The following CCDC178 variants were observed in gnomAD, a reference collection of about 807,000 sequenced individuals.
The protein encoded by CCDC178 is coiled-coil domain-containing protein 178.
In CCDC178, 126 loss-of-function variants were observed where a neutral mutation model predicts 117.4. The ratio of observed to expected loss-of-function variants is 1.07; its 90% CI spans 0.93 to 1.24. The LOEUF (loss-of-function observed/expected upper bound fraction) is 1.24, where lower values mean the gene tolerates loss of function less well. Among genes scored for constraint, CCDC178 ranks in the 50% most tolerant of loss-of-function variants. The probability of loss-of-function intolerance (pLI) is 0.00; values close to 1 mark genes in which losing one functional copy is unlikely to be tolerated. For synonymous variants in CCDC178, 283 were observed against 313.4 expected (o/e 0.90, Z 1.02); for missense variants, 1,030 against 986.9 (o/e 1.04, Z -0.59).
chr18:33,012,650 A>C (rs2055894844), intron 21 of CCDC178, among the ~76,000 whole-genome samples: 1 of 152,164 alleles, frequency 6.6e-6, no homozygotes. Context: ...TTATGGCTTT[A>C]AATAATTGAA....
intron 21 of CCDC178, among the ~76,000 whole-genome samples, chr18:33,010,536 A>G (rs193238003): frequency 1.5e-3 from 226 of 152,312 alleles, no homozygotes; most frequent in African/African-American, 5.3e-3. Context: ...AGTCCAGAAA[A>G]CACATCTCAG....
chr18:32,938,132 A>C, intron 22 of CCDC178, 41 bp from the exon 23 acceptor site: 1 of 1,333,272 alleles, frequency 7.5e-7, no homozygotes, highest in Non-Finnish European at 1.1e-6. Context: ...ATAAGTACTC[A>C]TTAATTAAGA....
At chr18:33,208,167 C>G (rs912535972) in intron 20 of CCDC178, among the ~76,000 whole-genome samples, 4 of 151,942 alleles carry the variant, frequency 2.6e-5, no homozygotes, top group African/African-American at 9.7e-5. Flanking sequence ...ATCAAAAGTA[C>G]TTTTAAAAGA....
chr18:33,392,147 A>G (rs113711584), intron 4 of CCDC178, among the ~76,000 whole-genome samples: 2,441 of 152,058 alleles, frequency 0.016, 62 homozygotes, highest in African/African-American at 0.055. Context: ...TTGCAGGCAT[A>G]AGCCACCATG....
chr18:33,430,941 G>C (rs2064207834), intron 2 of CCDC178, among the ~76,000 whole-genome samples: 2 of 151,934 alleles, frequency 1.3e-5, no homozygotes, highest in African/African-American at 4.8e-5. Flanking sequence ...CGGGCGCGGT[G>C]GTGGGCCCCT....
chr18:33,198,790 A>G (rs937342322), intron 20 of CCDC178, among the ~76,000 whole-genome samples: 1 of 152,098 alleles, frequency 6.6e-6, no homozygotes, highest in Non-Finnish European at 1.5e-5. Flanking sequence ...TTTCTGATAA[A>G]AGAAACGGTG....
chr18:32,968,947 G>T (rs1453202137), intron 22 of CCDC178, among the ~76,000 whole-genome samples: 1 of 151,770 alleles, frequency 6.6e-6, no homozygotes, highest in Non-Finnish European at 1.5e-5. Context: ...ATATCTAGTT[G>T]TTTGTGTATG....
chr18:33,380,890 A>C (rs1342317741), intron 5 of CCDC178, among the ~76,000 whole-genome samples: 3 of 152,354 alleles, frequency 2.0e-5, no homozygotes, highest in Non-Finnish European at 2.9e-5. Context: ...AAGGCCAACA[A>C]GCCAGAGATA....
At chr18:33,401,703 A>G (rs935541742) in intron 3 of CCDC178, among the ~76,000 whole-genome samples, 5 of 152,080 alleles carry the variant, frequency 3.3e-5, no homozygotes, top group African/African-American at 9.6e-5. Flanking sequence ...TAAAAATGAT[A>G]CTTTTATCTT....
chr18:33,297,674 A>G (rs543970218), intron 11 of CCDC178, among the ~76,000 whole-genome samples: 171 of 152,342 alleles, frequency 1.1e-3, no homozygotes, highest in Non-Finnish European at 2.1e-3. Flanking sequence ...AGATTGACTC[A>G]GTTACAAAAA....
At chr18:33,333,480 A>T in intron 9 of CCDC178, 86 bp from the exon 10 acceptor site, 3 of 569,580 alleles carry the variant, frequency 5.3e-6, no homozygotes, top group Non-Finnish European at 8.4e-6. Flanking sequence ...TTAATTTCAG[A>T]AATTCCTTAT....
chr18:32,977,197 T>C (rs2144701923), intron 21 of CCDC178, among the ~76,000 whole-genome samples: 1 of 152,258 alleles, frequency 6.6e-6, no homozygotes, highest in African/African-American at 2.4e-5. Flanking sequence ...TTAACTTGCT[T>C]TAGGTTATTC....
At chr18:32,990,946 AAC>A (rs2055375619) in intron 21 of CCDC178, among the ~76,000 whole-genome samples, 2 of 151,856 alleles carry the variant, frequency 1.3e-5, no homozygotes, top group African/African-American at 2.4e-5. Flanking sequence ...GAAAGTTAAT[AAC>A]ACAGTGAGAT....
At chr18:32,961,919 G>A (rs1402167049) in intron 22 of CCDC178, among the ~76,000 whole-genome samples, 1 of 151,758 alleles carries the variant, frequency 6.6e-6, no homozygotes, top group African/African-American at 2.4e-5. Flanking sequence ...TATAATTTTT[G>A]ATGTGCTTGG....
At chr18:33,206,748 A>G (rs1346355858) in intron 20 of CCDC178, among the ~76,000 whole-genome samples, 2 of 152,212 alleles carry the variant, frequency 1.3e-5, no homozygotes, top group East Asian at 1.9e-4. Flanking sequence ...GCAATTCACC[A>G]TGAATTCACC....
At chr18:33,063,042 C>G (rs2144967997) in intron 21 of CCDC178, among the ~76,000 whole-genome samples, 1 of 152,286 alleles carries the variant, frequency 6.6e-6, no homozygotes, top group South Asian at 2.1e-4. Context: ...AGAAACACAA[C>G]CCCTTCCAGC....
At chr18:32,950,116 T>G (rs2054447727) in intron 22 of CCDC178, among the ~76,000 whole-genome samples, 1 of 152,148 alleles carries the variant, frequency 6.6e-6, no homozygotes, top group South Asian at 2.1e-4. Context: ...GTAGAAAACT[T>G]GGGTAGTTTT....
At chr18:33,415,784 T>C (rs768684078) in intron 2 of CCDC178, among the ~76,000 whole-genome samples, 11 of 152,242 alleles carry the variant, frequency 7.2e-5, no homozygotes, top group Non-Finnish European at 1.5e-4. Context: ...GGAATAGATA[T>C]ACACTTTTCC....
At chr18:33,391,124 AAAT>A (rs1460196307) in intron 4 of CCDC178, among the ~76,000 whole-genome samples, 4 of 151,368 alleles carry the variant, frequency 2.6e-5, no homozygotes, top group Admixed American at 6.6e-5. Context: ...ACCAAATATA[AAAT>A]AATACAGAAA....
Sources: allele counts gnomAD v4.1 joint callset (sites outside exome capture counted in the v4.1 genomes callset), GRCh38; gene constraint gnomAD v4.1.1; transcripts MANE v1.5; gene names NCBI Gene and HGNC (gene_info 2026-07-23, HGNC 2026-07-21).